TOM1L1: variants seen among roughly 807,000 people sequenced by gnomAD.
TOM1L1 encodes the protein TOM1-like protein 1.
Under a neutral mutation model 63.4 loss-of-function variants are expected in TOM1L1, and 64 were observed. That is an observed-to-expected ratio of 1.01 (90% CI 0.83 to 1.24). TOM1L1 has a LOEUF of 1.24. Ranked by LOEUF, TOM1L1 falls within the 50% of genes most tolerant of loss-of-function variation. The pLI is 0.00. For missense variants in TOM1L1, 536 were observed against 567.0 expected (o/e 0.95, Z 0.55); for synonymous variants, 166 against 194.4 (o/e 0.85, Z 1.22).
At chr17:54,942,357 C>T (rs1245666954) in intron 11 of TOM1L1, 1 of 152,042 alleles carries the variant, frequency 6.6e-6, no homozygotes, top group African/African-American at 2.4e-5. Flanking sequence ...GATCTGCCCA[C>T]CTCGGCTTCC....
intron 8 of TOM1L1, among the ~76,000 whole-genome samples, chr17:54,934,528 C>T (rs867995689): frequency 2.0e-5 from 3 of 152,140 alleles, no homozygotes; most frequent in African/African-American, 4.8e-5. Context: ...GATTCATATC[C>T]ATCCACTTGC....
At chr17:54,913,711 T>G in intron 4 of TOM1L1, 37 bp from the exon 5 acceptor site, 1 of 1,571,668 alleles carries the variant, frequency 6.4e-7, no homozygotes, top group South Asian at 1.2e-5. Context: ...TTTGTTGCTG[T>G]TTTAACTCTG....
At chr17:54,932,967 A>C (rs773742410) in intron 8 of TOM1L1, among the ~76,000 whole-genome samples, 1 of 152,222 alleles carries the variant, frequency 6.6e-6, no homozygotes, top group Non-Finnish European at 1.5e-5. Flanking sequence ...TTCTGTGAAC[A>C]GCTTGTTCTG....
intron 12 of TOM1L1, 51 bp from the exon 13 acceptor site, chr17:54,949,462 TAAAAG>T (rs71159274): frequency 0.25 from 346,839 of 1,361,022 alleles, 46,367 homozygotes; most frequent in Non-Finnish European, 0.28. Flanking sequence ...GTCTCAGTAA[TAAAAG>T]AAAAGCTTAA....
chr17:54,961,144 C>A (rs2077112826), intron 15 of TOM1L1, 91 bp from the exon 16 acceptor site: 1 of 915,180 alleles, frequency 1.1e-6, no homozygotes, highest in African/African-American at 1.7e-5. Flanking sequence ...CTGTGACTCT[C>A]CAGCTTCCCA....
At chr17:54,901,330 GA>G (rs1473566142) in intron 1 of TOM1L1, 2 of 190,982 alleles carry the variant, frequency 1.0e-5, no homozygotes, top group Non-Finnish European at 2.2e-5. Context: ...GAGGCTCTGG[GA>G]GACTAAGTGA....
rs1296207890 is a variant in TOM1L1, at chr17:54,913,441, A to G, written c.373-307A>G. Among the ~76,000 whole-genome samples, 3 of 152,040 alleles carry G rather than the reference A, an allele frequency of 2.0e-5. 1 individual carries two copies. Among genetic ancestry groups the G allele is most frequent in the Non-Finnish European group, 1.5e-5 (1 of 67,990 alleles). On this transcript the variant is annotated intron_variant, in intron 4 of 15. Transcript: ENST00000575882. The stretch of plus-strand genomic sequence containing the variant: ...AGCACTTTGGGAGGCCGAGGTGGGC[A>G]GATCACAAGGTCAGGAGTTCGAGAG...
intron 11 of TOM1L1, 137 bp from the exon 12 acceptor site, chr17:54,947,122 AAC>A (rs1188924919): frequency 1.3e-6 from 1 of 773,680 alleles, no homozygotes; most frequent in East Asian, 2.7e-5. Context: ...TTGTTTTATA[AAC>A]AGTTATTACA....
At chr17:54,944,009 TAAAA>T (rs2049076644) in intron 11 of TOM1L1, among the ~76,000 whole-genome samples, 1 of 135,836 alleles carries the variant, frequency 7.4e-6, no homozygotes. Context: ...CATAAATAAA[TAAAA>T]GGAAGTAAAA....
chr17:54,913,866 G>T lies in TOM1L1; in HGVS notation c.491G>T (p.Arg164Ile). 1.2e-6 allele frequency: 2 copies of T among 1,607,382 alleles called. No individual in the cohort carries two copies. Among genetic ancestry groups the T allele is most frequent in the South Asian group, 2.2e-5 (2 of 90,946 alleles). The change falls in exon 5 of 16, where the codon AGA (arginine) becomes ATA (isoleucine). Residue 164 changes from arginine to isoleucine, a missense_variant. Transcript: ENST00000575882. ...TCAGAAGCAGAGGCTGAAACAGCAAGACAAGAGGTAGGAGGCCTTTCTTTG... is the reference window on the plus strand; with the variant it reads ...TCAGAAGCAGAGGCTGAAACAGCAATACAAGAGGTAGGAGGCCTTTCTTTG... ...PPSEAEAETA[R>I]QETAQISSNP...
intron 14 of TOM1L1, chr17:54,958,339 GAACCCA>G (rs1275871118): frequency 6.6e-6 from 1 of 152,214 alleles, no homozygotes; most frequent in Non-Finnish European, 1.5e-5. Context: ...GATGAAGACA[GAACCCA>G]AATTTCAGTG....
chr17:54,943,803 C>T (rs1435455404), intron 11 of TOM1L1, among the ~76,000 whole-genome samples: 1 of 151,720 alleles, frequency 6.6e-6, no homozygotes, highest in African/African-American at 2.4e-5. Flanking sequence ...ACGGTGAAAC[C>T]CTGTCTCTAC....
intron 8 of TOM1L1, among the ~76,000 whole-genome samples, chr17:54,930,686 A>G (rs1227195751): frequency 6.6e-6 from 1 of 152,076 alleles, no homozygotes; most frequent in Non-Finnish European, 1.5e-5. Context: ...CTAAAAATAC[A>G]AAATAATTAG....
At chr17:54,956,293 T>C (rs8066750) in intron 14 of TOM1L1, among the ~76,000 whole-genome samples, 113,059 of 151,866 alleles carry the variant, frequency 0.74, 42,564 homozygotes, top group African/African-American at 0.84. Flanking sequence ...TATTGGGGTG[T>C]GCTACCATGC....
chr17:54,903,618 C>T, intron 1 of TOM1L1, 90 bp from the exon 2 acceptor site: 2 of 1,168,978 alleles, frequency 1.7e-6, no homozygotes, highest in Non-Finnish European at 2.5e-6. Flanking sequence ...CTTAATGACA[C>T]TTGCTGGTGC....
At chr17:54,932,531 T>A (rs2048880840) in intron 8 of TOM1L1, among the ~76,000 whole-genome samples, 1 of 152,102 alleles carries the variant, frequency 6.6e-6, no homozygotes, top group Non-Finnish European at 1.5e-5. Context: ...AGTAGTCTCC[T>A]CCCTTAAGCC....
chr17:54,943,273 C>T (rs1387087224), intron 11 of TOM1L1, among the ~76,000 whole-genome samples: 1 of 151,996 alleles, frequency 6.6e-6, no homozygotes, highest in Non-Finnish European at 1.5e-5. Flanking sequence ...ATATGTTAGG[C>T]AATTTACATT....
intron 7 of TOM1L1, among the ~76,000 whole-genome samples, chr17:54,925,988 A>G (rs2048762951): frequency 6.6e-6 from 1 of 152,028 alleles, no homozygotes; most frequent in Admixed American, 6.6e-5. Context: ...CCTTCTAGTA[A>G]CTGTTCTGTT....
intron 3 of TOM1L1, among the ~76,000 whole-genome samples, chr17:54,909,140 T>C (rs546596789): frequency 1.2e-4 from 18 of 152,144 alleles, no homozygotes; most frequent in Non-Finnish European, 2.4e-4. Flanking sequence ...GTGACTGTAA[T>C]CCCAGCTACT....
Sources: allele counts gnomAD v4.1 joint callset (sites outside exome capture counted in the v4.1 genomes callset), GRCh38; gene constraint gnomAD v4.1.1; transcripts MANE v1.5; gene names NCBI Gene and HGNC (gene_info 2026-07-23, HGNC 2026-07-21).